CDC42BPA: variants seen among roughly 807,000 people sequenced by gnomAD.
CDC42BPA encodes serine/threonine-protein kinase MRCK alpha.
Under a neutral mutation model 223.5 loss-of-function variants are expected in CDC42BPA, and 80 were observed. That is an observed-to-expected ratio of 0.36 (90% CI 0.30 to 0.43). The LOEUF (loss-of-function observed/expected upper bound fraction) is 0.43, where lower values mean the gene tolerates loss of function less well. Ranked by LOEUF, CDC42BPA falls within the 20% of genes least tolerant of loss-of-function variation. CDC42BPA has a pLI of 1.00. For missense variants in CDC42BPA, 1,743 were observed against 2,099.9 expected, an observed-to-expected ratio of 0.83 and a Z score of 3.32; for synonymous variants, 694 against 718.6, an observed-to-expected ratio of 0.97 and a Z score of 0.55.
At chr1:227,301,315 A>T (rs1691578583) in intron 1 of CDC42BPA, among the ~76,000 whole-genome samples, 2 of 152,112 alleles carry the variant, frequency 1.3e-5, no homozygotes, top group South Asian at 4.1e-4. Flanking sequence ...AAAGAAAAAC[A>T]CAAGTTTGAA....
chr1:227,250,796 A>T (rs1681864289), intron 2 of CDC42BPA, among the ~76,000 whole-genome samples: 1 of 152,176 alleles, frequency 6.6e-6, no homozygotes, highest in Non-Finnish European at 1.5e-5. Context: ...TCACAACTGT[A>T]ATCCCAGCAC....
intron 34 of CDC42BPA, among the ~76,000 whole-genome samples, chr1:227,005,909 G>A (rs1277759505): frequency 6.6e-6 from 1 of 152,242 alleles, no homozygotes; most frequent in East Asian, 1.9e-4. Context: ...TAGGTGGTGT[G>A]CAGGGTGAGC....
chr1:227,140,823 G>C (rs950185031), intron 9 of CDC42BPA, among the ~76,000 whole-genome samples: 4 of 152,196 alleles, frequency 2.6e-5, no homozygotes, highest in African/African-American at 9.7e-5. Context: ...GTAGACGAGA[G>C]GAGAGGTCTC....
intron 4 of CDC42BPA, among the ~76,000 whole-genome samples, chr1:227,198,211 G>A (rs963752913): frequency 1.3e-5 from 2 of 151,744 alleles, no homozygotes; most frequent in African/African-American, 4.8e-5. Context: ...CACACCTTAG[G>A]GGGTCAAGCT....
At chr1:227,214,314 G>A (rs1460335382) in intron 2 of CDC42BPA, among the ~76,000 whole-genome samples, 1 of 151,988 alleles carries the variant, frequency 6.6e-6, no homozygotes, top group African/African-American at 2.4e-5. Context: ...TATAATTACA[G>A]TAAGTGTATA....
At chr1:227,065,580 C>T (rs944690622) in intron 21 of CDC42BPA, among the ~76,000 whole-genome samples, 12 of 152,186 alleles carry the variant, frequency 7.9e-5, no homozygotes, top group African/African-American at 2.4e-4. Flanking sequence ...GCCAAAAATT[C>T]CAGCATTCAT....
chr1:227,164,690 A>G (rs1037355745), intron 5 of CDC42BPA, among the ~76,000 whole-genome samples: 2 of 151,706 alleles, frequency 1.3e-5, no homozygotes, highest in Non-Finnish European at 2.9e-5. Context: ...GCATGAGCGC[A>G]CACACACGTG....
chr1:227,177,035 C>T (rs1295959439), intron 5 of CDC42BPA, among the ~76,000 whole-genome samples: 1 of 150,800 alleles, frequency 6.6e-6, no homozygotes, highest in Admixed American at 6.6e-5. Context: ...CTACCTCTCT[C>T]GATTATCTCA....
chr1:227,022,613 C>CT (rs1667591796), intron 32 of CDC42BPA, among the ~76,000 whole-genome samples: 1 of 152,132 alleles, frequency 6.6e-6, no homozygotes, highest in African/African-American at 2.4e-5. Flanking sequence ...AAAAGTGAGA[C>CT]TTTAACTGTT....
chr1:227,030,366 C>T, intron 29 of CDC42BPA, 42 bp downstream of exon 29: 1 of 1,150,190 alleles, frequency 8.7e-7, no homozygotes, highest in East Asian at 2.6e-5. Flanking sequence ...ATTTTTTTAA[C>T]ACGATTTAAA....
chr1:227,153,916 G>GCTAAAATGACCTAAAC (rs1392798200), intron 6 of CDC42BPA, among the ~76,000 whole-genome samples: 1 of 151,744 alleles, frequency 6.6e-6, no homozygotes, highest in Non-Finnish European at 1.5e-5. Context: ...ATTTTATAAG[G>GCTAAAATGACCTAAAC]CTAAAATGAC....
chr1:227,014,001 C>T (rs991744544), intron 34 of CDC42BPA, among the ~76,000 whole-genome samples: 10 of 151,834 alleles, frequency 6.6e-5, no homozygotes, highest in Non-Finnish European at 8.8e-5. Flanking sequence ...AAATTCTTTA[C>T]GGTATTTTGT....
rs897207377 is a variant in CDC42BPA at position 227,317,033 on chromosome 1, C to T, written c.150G>A (p.Glu50=). The change falls in exon 1 of 37, where the codon GAG becomes GAA. Residue 50 remains glutamate, a synonymous_variant. Coordinates refer to ENST00000366766, the MANE Select transcript of CDC42BPA (RefSeq NM_001394014.1). The part of the protein sequence containing the change: ...DECNNSPLRR[E]KNILEYLEWA... ...ATTCTAGGTATTCGAGAATGTTCTT[C>T]TCTCTTCTCAATGGAGAATTATTGC... is the stretch of plus-strand genomic sequence containing the variant. 2.5e-6 allele frequency: 4 copies of T among 1,613,606 alleles called. No homozygotes were observed. Among genetic ancestry groups the T allele is most frequent in the Non-Finnish European group, 2.5e-6 (3 of 1,179,650 alleles).
At chr1:227,239,147 A>G (rs1051245363) in intron 2 of CDC42BPA, among the ~76,000 whole-genome samples, 8 of 152,234 alleles carry the variant, frequency 5.3e-5, no homozygotes, top group South Asian at 4.1e-4. Flanking sequence ...CCATAAATTC[A>G]TATTACTGAG....
chr1:227,043,211 G>C (rs1572441008), intron 23 of CDC42BPA, among the ~76,000 whole-genome samples: 2 of 151,946 alleles, frequency 1.3e-5, no homozygotes, highest in African/African-American at 4.8e-5. Context: ...TCCAGAGATC[G>C]AGACCATCCC....
At chr1:227,261,770 T>C (rs915458837) in intron 1 of CDC42BPA, among the ~76,000 whole-genome samples, 1 of 151,968 alleles carries the variant, frequency 6.6e-6, no homozygotes, top group Non-Finnish European at 1.5e-5. Context: ...ACTGGAATGA[T>C]TACCTCTCAT....
intron 21 of CDC42BPA, among the ~76,000 whole-genome samples, chr1:227,056,949 G>A (rs531921618): frequency 2.0e-5 from 3 of 152,262 alleles, no homozygotes; most frequent in African/African-American, 7.2e-5. Context: ...GTAAGGGTAA[G>A]CTTACTAGTT....
At chr1:227,268,668 A>ATATATATATGTATATATATATATATG (rs1491340125) in intron 1 of CDC42BPA, among the ~76,000 whole-genome samples, 87 of 144,446 alleles carry the variant, frequency 6.0e-4, no homozygotes, top group Middle Eastern at 3.6e-3. Context: ...ATATATATAC[A>ATATATATATGTATATATATATATATG]TATATATATA....
intron 5 of CDC42BPA, chr1:227,183,128 C>T (rs374276482): frequency 2.0e-5 from 3 of 152,138 alleles, no homozygotes; most frequent in Non-Finnish European, 2.9e-5. Context: ...AACTGACTCC[C>T]TTTTATATAT....
Sources: allele counts gnomAD v4.1 joint callset (sites outside exome capture counted in the v4.1 genomes callset), GRCh38; gene constraint gnomAD v4.1.1; transcripts MANE v1.5; gene names NCBI Gene and HGNC (gene_info 2026-07-23, HGNC 2026-07-21).